TSC22D3: variants seen among roughly 807,000 people sequenced by gnomAD.
The protein encoded by TSC22D3 is TSC22 domain family member 3.
In TSC22D3, 4 loss-of-function variants were observed where a neutral mutation model predicts 11.1. The observed-to-expected ratio is 0.36, with a 90% CI of 0.18 to 0.83. The LOEUF (loss-of-function observed/expected upper bound fraction) is 0.83, where lower values mean the gene tolerates loss of function less well. Among genes scored for constraint, TSC22D3 ranks in the 40% least tolerant of loss-of-function variants. The probability of loss-of-function intolerance (pLI) is 0.48; values close to 1 mark genes in which losing one functional copy is unlikely to be tolerated. For missense variants in TSC22D3, 118 were observed against 159.4 expected (o/e 0.74, Z 1.40); for synonymous variants, 77 against 70.3 (o/e 1.10, Z -0.48).
chrX:107,775,461 C>A lies in TSC22D3; in HGVS notation c.-42G>T, dbSNP rs746550158. 5.4e-6 allele frequency: 6 copies of A among 1,103,738 alleles called. No individual in the cohort carries two copies. The South Asian group carries it at 1.3e-4, about 24-fold the overall frequency. 91.0% of individuals were successfully genotyped at this position (1,103,738 alleles called of 1,213,427 possible). On this transcript the variant is annotated 5_prime_UTR_variant, in exon 1 of 3. Coordinates refer to ENST00000372383, the MANE Select transcript of TSC22D3 (RefSeq NM_198057.3). Reference sequence around the variant, plus strand: ...GTCGCCTGGCCTGCGAGGTCAGGGGCGGCTGGCAGGTGCGCGCCCACCGAG... The same window carrying A: ...GTCGCCTGGCCTGCGAGGTCAGGGGAGGCTGGCAGGTGCGCGCCCACCGAG...
intron 1 of TSC22D3, among the ~76,000 whole-genome samples, chrX:107,741,822 C>T (rs1283927159): frequency 9.0e-6 from 1 of 111,654 alleles, no homozygotes; most frequent in Middle Eastern, 4.2e-3. Context: ...AAGTGCAAGG[C>T]TGCAGGAGAT....
chrX:107,723,411 C>T (rs781769263), intron 1 of TSC22D3, among the ~76,000 whole-genome samples: 33 of 112,592 alleles, frequency 2.9e-4, no homozygotes, highest in Admixed American at 5.6e-4. Context: ...GCCAACTTCT[C>T]GATCTTTGTC....
chrX:107,735,974 G>A (rs1157513022), intron 1 of TSC22D3, among the ~76,000 whole-genome samples: 2 of 112,003 alleles, frequency 1.8e-5, no homozygotes, highest in African/African-American at 3.3e-5. Flanking sequence ...TTTGGGTAGA[G>A]CCAATGACTT....
At chrX:107,746,201 G>T (rs1254182889) in intron 1 of TSC22D3, among the ~76,000 whole-genome samples, 1 of 111,293 alleles carries the variant, frequency 9.0e-6, no homozygotes, top group Non-Finnish European at 1.9e-5. Context: ...GGGAGAGGGG[G>T]CACCTCTCTC....
At position 107,775,146 on chromosome X, in the gene TSC22D3, G is replaced by C. The variant is rs778961059; in HGVS notation, c.274C>G (p.Arg92Gly). The C allele has an allele frequency of 5.8e-6, 7 of 1,212,147 alleles. No individual in the cohort carries two copies. Among genetic ancestry groups the C allele is most frequent in the Admixed American group, 2.2e-5 (1 of 46,089 alleles). The change falls in exon 1 of 3, where the codon CGC (arginine) becomes GGC (glycine). Residue 92 changes from arginine (R) to glycine (G), a missense_variant. By Grantham distance (125) the Arg-to-Gly change is moderately radical. Coordinates refer to ENST00000372383, the MANE Select transcript of TSC22D3 (RefSeq NM_198057.3). The part of the protein sequence containing the change: ...CYLINEGICN[R>G]NIDQTMLSIL... ...GAGAGCATGGTCTGGTCGATGTTGCGGTTGCAGATGCCCTCGTTGATCAGG... is the reference window on the plus strand; with the variant it reads ...GAGAGCATGGTCTGGTCGATGTTGCCGTTGCAGATGCCCTCGTTGATCAGG...
At chrX:107,727,337 T>A (rs1440491626) in intron 1 of TSC22D3, among the ~76,000 whole-genome samples, 1 of 111,872 alleles carries the variant, frequency 8.9e-6, no homozygotes, top group African/African-American at 3.3e-5. Flanking sequence ...AAGGCCAGAG[T>A]TCTTTTCCAC....
chrX:107,748,828 G>A (rs969317985), intron 1 of TSC22D3, among the ~76,000 whole-genome samples: 2 of 112,348 alleles, frequency 1.8e-5, no homozygotes, highest in African/African-American at 6.5e-5. Context: ...ATGCAAATGC[G>A]AGGGATTATT....
At chrX:107,744,001 G>T (rs1034593267) in intron 1 of TSC22D3, among the ~76,000 whole-genome samples, 3 of 112,486 alleles carry the variant, frequency 2.7e-5, no homozygotes, top group African/African-American at 9.7e-5. Context: ...CACCAGCTTT[G>T]AGAAGGTGAT....
intron 1 of TSC22D3, among the ~76,000 whole-genome samples, chrX:107,740,069 A>G (rs1928324577): frequency 8.9e-6 from 1 of 112,059 alleles, no homozygotes; most frequent in African/African-American, 3.2e-5. Flanking sequence ...GGAGGTCAAT[A>G]TTGTATGTAT....
chrX:107,775,237 A>G lies in TSC22D3; in HGVS notation c.183T>C (p.Asn61=). 5.0e-6 allele frequency: 6 copies of G among 1,211,932 alleles called. No homozygotes were observed. The highest frequency in any genetic ancestry group is 6.7e-6 in the Non-Finnish European group (6 of 895,568). ...LQEKLVFENL[N]TDKLNSIMRQ... ...GCATTATGCTGTTGAGCTTGTCGGT[A>G]TTGAGGTTCTCAAAGACCAGCTTTT... The change falls in exon 1 of 3, where the codon AAT becomes AAC. Residue 61 remains asparagine, a synonymous_variant. Transcript: ENST00000372383.
At chrX:107,750,500 G>C (rs184813079) in intron 1 of TSC22D3, among the ~76,000 whole-genome samples, 5 of 111,513 alleles carry the variant, frequency 4.5e-5, no homozygotes, top group African/African-American at 1.3e-4. Context: ...CGAGGACGGC[G>C]AGCAAAACTG....
intron 1 of TSC22D3, among the ~76,000 whole-genome samples, chrX:107,758,756 T>C (rs1439782877): frequency 8.9e-6 from 1 of 112,191 alleles, no homozygotes; most frequent in Non-Finnish European, 1.9e-5. Context: ...AGTGCTGGCA[T>C]TTTGGGGCAC....
chrX:107,750,616 G>T (rs927603874), intron 1 of TSC22D3, among the ~76,000 whole-genome samples: 30 of 111,322 alleles, frequency 2.7e-4, no homozygotes, highest in Admixed American at 2.6e-3. Context: ...AGAGGGGGCG[G>T]CTGAGAACAG....
At chrX:107,724,761 C>T (rs1043382975) in intron 1 of TSC22D3, among the ~76,000 whole-genome samples, 13 of 112,187 alleles carry the variant, frequency 1.2e-4, no homozygotes, top group Non-Finnish European at 3.8e-5. Context: ...AATTTGAAGC[C>T]TCATACTGCA....
At chrX:107,734,054 C>T (rs930255078) in intron 1 of TSC22D3, among the ~76,000 whole-genome samples, 4 of 112,297 alleles carry the variant, frequency 3.6e-5, no homozygotes, top group African/African-American at 1.3e-4. Flanking sequence ...TCTGGTCTCA[C>T]CACCTTTCCC....
At chrX:107,757,926 G>T (rs1377723973) in intron 1 of TSC22D3, among the ~76,000 whole-genome samples, 2 of 111,283 alleles carry the variant, frequency 1.8e-5, no homozygotes, top group African/African-American at 6.5e-5. Context: ...CACAGTCCCA[G>T]CTACTGGGGA....
intron 1 of TSC22D3, among the ~76,000 whole-genome samples, chrX:107,763,577 ACCTTGGG>A (rs1929537300): frequency 9.0e-6 from 1 of 110,726 alleles, no homozygotes; most frequent in Non-Finnish European, 1.9e-5. Context: ...GAAAATTTAC[ACCTTGGG>A]CCCCAGAAAG....
Position 107,757,389 on chromosome X carries a change from G to A in TSC22D3, c.320+17711C>T, listed in dbSNP as rs145227579. On this transcript the variant is annotated intron_variant, in intron 1 of 2. Transcript: ENST00000372383. ...GAGGGAGGCAGGGCTGAGGCCAGGA[G>A]CTCCACCCACCCAGCCCACAGGTCT... Among the ~76,000 whole-genome samples, 1,082 of 111,843 alleles carry A rather than the reference G, an allele frequency of 9.7e-3. 6 individuals are homozygous for A. Among genetic ancestry groups the A allele is most frequent in the Non-Finnish European group, 0.013 (695 of 53,104 alleles).
chrX:107,740,063 G>A (rs1028402833), intron 1 of TSC22D3, among the ~76,000 whole-genome samples: 2 of 112,123 alleles, frequency 1.8e-5, no homozygotes, highest in African/African-American at 6.5e-5. Context: ...GACTCAGGAG[G>A]TCAATATTGT....
Sources: allele counts gnomAD v4.1 joint callset (sites outside exome capture counted in the v4.1 genomes callset), GRCh38; gene constraint gnomAD v4.1.1; transcripts MANE v1.5; gene names NCBI Gene and HGNC (gene_info 2026-07-23, HGNC 2026-07-21).